RIPK1: variants seen among roughly 807,000 people sequenced by gnomAD.
The protein encoded by RIPK1 is receptor-interacting serine/threonine-protein kinase 1.
In RIPK1, 27 loss-of-function variants were observed where a neutral mutation model predicts 62.4. That is an observed-to-expected ratio of 0.43 (90% CI 0.32 to 0.60). The LOEUF (loss-of-function observed/expected upper bound fraction) is 0.60, where lower values mean the gene tolerates loss of function less well. Ranked by LOEUF, RIPK1 falls within the 20% of genes least tolerant of loss-of-function variation. The pLI is 0.07. For synonymous variants in RIPK1, 287 were observed against 303.2 expected (o/e 0.95, Z 0.55); for missense variants, 735 against 831.0 (o/e 0.88, Z 1.42).
chr6:3,087,911 A>G (rs1337013997), intron 6 of RIPK1, among the ~76,000 whole-genome samples: 1 of 151,704 alleles, frequency 6.6e-6, no homozygotes, highest in African/African-American at 2.4e-5. Context: ...TTTTTTGCTG[A>G]GACTTTCTAT....
At chr6:3,094,148 C>T (rs934697162) in intron 7 of RIPK1, among the ~76,000 whole-genome samples, 4 of 145,334 alleles carry the variant, frequency 2.8e-5, no homozygotes, top group Admixed American at 2.7e-4. Context: ...AGAGTACCTA[C>T]CTGCCGCACC....
Position 3,113,014 on chromosome 6 carries a change from G to C in RIPK1, c.1730-39G>C, listed in dbSNP as rs1761241906. The C allele has an allele frequency of 6.7e-7, 1 of 1,502,720 alleles. No homozygotes were observed. Among genetic ancestry groups the C allele is most frequent in the Non-Finnish European group, 8.9e-7 (1 of 1,123,160 alleles). 93.1% of individuals were successfully genotyped at this position (1,502,720 alleles called of 1,614,324 possible). On this transcript the variant is annotated intron_variant, in intron 10 of 10. Coordinates refer to ENST00000259808, the MANE Select transcript of RIPK1 (RefSeq NM_001354930.2). This position sits in a 1 kb window ranked among gnomAD's most constrained non-coding sequence, Gnocchi z 5.0. Reference sequence around the variant, plus strand: ...TCAGGAAGCTGGAATGTTTGAATGGGTTTTAGCTTGATACCTTCTTCTTTT... The same window carrying C: ...TCAGGAAGCTGGAATGTTTGAATGGCTTTTAGCTTGATACCTTCTTCTTTT...
In RIPK1 at chr6:3,077,845, G is replaced by T. The variant is rs1759162832; in HGVS notation, c.231G>T (p.Lys77Asn). 1.2e-6 allele frequency: 2 copies of T among 1,614,240 alleles called. No homozygotes were observed. The highest frequency in any genetic ancestry group is 1.7e-5 in the Admixed American group (1 of 60,032). The change falls in exon 3 of 11, where the codon AAG (lysine) becomes AAT (asparagine). Residue 77 changes from lysine to asparagine, a missense_variant. By Grantham distance (94) the Lys-to-Asn change is moderately conservative. Around this residue, in one of 2 missense-constraint regions of RIPK1, gnomAD observed 671 missense variants for 726.2 expected, o/e 0.92. Coordinates refer to ENST00000259808, the MANE Select transcript of RIPK1 (RefSeq NM_001354930.2). Reference protein sequence around the residue: ...MNRLRHSRVVKLLGVIIEEGK... With the variant: ...MNRLRHSRVVNLLGVIIEEGK... ...GACTGAGACACAGCCGGGTGGTGAA[G>T]CTCCTGGGCGTCATCATAGAGGAAG...
At chr6:3,111,326 A>G (rs1232325008) in intron 10 of RIPK1, among the ~76,000 whole-genome samples, 1 of 152,178 alleles carries the variant, frequency 6.6e-6, no homozygotes, top group Non-Finnish European at 1.5e-5. Context: ...ATCGAAGGAG[A>G]TCCTGTAAAA....
intron 9 of RIPK1, among the ~76,000 whole-genome samples, chr6:3,109,556 G>A (rs962214823): frequency 1.3e-5 from 2 of 152,150 alleles, no homozygotes; most frequent in African/African-American, 2.4e-5. Context: ...GTGGGATCCC[G>A]CTGGGAAGTG....
Position 3,105,163 on chromosome 6 carries a change from T to C in RIPK1, c.1007-319T>C, listed in dbSNP as rs1760777210. 6.6e-6 allele frequency among the ~76,000 whole-genome samples: 1 copy of C among 152,212 alleles called. No homozygotes were observed. The highest frequency in any genetic ancestry group is 1.5e-5 in the Non-Finnish European group (1 of 68,036). ...CACCGCACCCAGCCACAGATCTTAT[T>C]TTCCACCTGAATTGCTCCAAGGAGA... On this transcript the variant is annotated intron_variant, in intron 8 of 10. Coordinates refer to ENST00000259808, the MANE Select transcript of RIPK1 (RefSeq NM_001354930.2). This position sits in a 1 kb window ranked among gnomAD's most constrained non-coding sequence, Gnocchi z 4.5.
chr6:3,093,918 C>T (rs1406321482), intron 7 of RIPK1, among the ~76,000 whole-genome samples: 1 of 46,272 alleles, frequency 2.2e-5, no homozygotes, highest in Non-Finnish European at 3.9e-5. Context: ...ACCTAGTAAC[C>T]GCAGCGCGCC....
chr6:3,099,327 G>A (rs888489615), intron 7 of RIPK1, among the ~76,000 whole-genome samples: 3 of 152,160 alleles, frequency 2.0e-5, no homozygotes, highest in Admixed American at 6.5e-5. Flanking sequence ...GGTGGATCAC[G>A]AGATCAGGAG....
chr6:3,073,194 CAT>C (rs1361287349), intron 1 of RIPK1, among the ~76,000 whole-genome samples: 2 of 150,358 alleles, frequency 1.3e-5, no homozygotes, highest in Non-Finnish European at 3.0e-5. Flanking sequence ...ACAATATATG[CAT>C]ACACACATAC....
At chr6:3,076,500 GCCC>G (rs956526455) in intron 1 of RIPK1, among the ~76,000 whole-genome samples, 5 of 151,100 alleles carry the variant, frequency 3.3e-5, no homozygotes, top group Non-Finnish European at 5.9e-5. Context: ...AGATCCCCCG[GCCC>G]CCCCATCTCT....
At chr6:3,088,826 G>A (rs1471868146) in intron 6 of RIPK1, 2 of 152,318 alleles carry the variant, frequency 1.3e-5, no homozygotes, top group Non-Finnish European at 2.9e-5. Flanking sequence ...AAGGTTTTCT[G>A]TCTGTCCCTT....
rs1297069981 is a variant in RIPK1, at chr6:3,072,264, A to C, written c.-61+3603A>C. On this transcript the variant is annotated intron_variant, in intron 1 of 10. Coordinates refer to ENST00000259808, the MANE Select transcript of RIPK1 (RefSeq NM_001354930.2). The surrounding 1 kb of genome is among the most constrained non-coding windows in gnomAD (Gnocchi z 5.6). ...ATTTAATTCATGTCTATTGTGGAAA[A>C]TTTGGAAAACATAGTAAAAGTGTAA... Among the ~76,000 whole-genome samples, 1 of 152,216 alleles carries C rather than the reference A, an allele frequency of 6.6e-6. No homozygotes were observed. The highest frequency in any genetic ancestry group is 1.9e-4 in the East Asian group (1 of 5,204).
intron 1 of RIPK1, among the ~76,000 whole-genome samples, chr6:3,073,860 C>T (rs976050762): frequency 4.6e-5 from 7 of 152,180 alleles, no homozygotes; most frequent in African/African-American, 1.7e-4. Context: ...ATGAAAAACA[C>T]CAAGTCTGAA....
chr6:3,110,693 A>T, intron 9 of RIPK1, 110 bp from the exon 10 acceptor site: 1 of 633,774 alleles, frequency 1.6e-6, no homozygotes, highest in Non-Finnish European at 2.6e-6. Context: ...AGGGTGGCAT[A>T]GGATAATTAA....
chr6:3,072,375 A>G lies in RIPK1; in HGVS notation c.-61+3714A>G, dbSNP rs1173867701. On this transcript the variant is annotated intron_variant, in intron 1 of 10. Coordinates refer to ENST00000259808, the MANE Select transcript of RIPK1 (RefSeq NM_001354930.2). The surrounding 1 kb of genome is among the most constrained non-coding windows in gnomAD (Gnocchi z 5.6). Reference sequence around the variant, plus strand: ...TTATGTCTTTTTTATCTGTACTTATATCTTTATCTATTTACATATATATAT... The same window carrying G: ...TTATGTCTTTTTTATCTGTACTTATGTCTTTATCTATTTACATATATATAT... Among the ~76,000 whole-genome samples, 3 of 125,298 alleles carry G rather than the reference A, an allele frequency of 2.4e-5. No homozygotes were observed. Among genetic ancestry groups the G allele is most frequent in the African/African-American group, 9.6e-5 (3 of 31,328 alleles). The allele number at this position is 125,298 out of a possible 152,430, so 82.2% of individuals were successfully genotyped here.
intron 7 of RIPK1, among the ~76,000 whole-genome samples, chr6:3,090,045 G>A (rs1759947128): frequency 6.6e-6 from 1 of 152,210 alleles, no homozygotes; most frequent in Non-Finnish European, 1.5e-5. Context: ...AGAAGTACCG[G>A]AGGGGCAGTC....
At position 3,076,376 on chromosome 6, in the gene RIPK1, T is replaced by A. The variant is rs139722852; in HGVS notation, c.-60-388T>A. On this transcript the variant is annotated intron_variant, in intron 1 of 10. Coordinates refer to ENST00000259808, the MANE Select transcript of RIPK1 (RefSeq NM_001354930.2). ...GAATGTTAACAAAAGTTTTTAAAAATGATCTTTTCTGCCAGGTACAATGGC... is the reference window on the plus strand; with the variant it reads ...GAATGTTAACAAAAGTTTTTAAAAAAGATCTTTTCTGCCAGGTACAATGGC... 4.6e-5 allele frequency among the ~76,000 whole-genome samples: 7 copies of A among 152,222 alleles called. No individual in the cohort carries two copies. In the East Asian group the frequency reaches 1.3e-3, roughly 29 times the overall value.
chr6:3,077,041 G>A, intron 2 of RIPK1, 54 bp downstream of exon 2: 1 of 1,512,048 alleles, frequency 6.6e-7, no homozygotes, highest in Non-Finnish European at 8.9e-7. Context: ...TGGGGACGTT[G>A]GCTGTTGTGG....
In RIPK1 at chr6:3,072,800, C is replaced by T. The variant is rs974983023; in HGVS notation, c.-60-3964C>T. ...AAGAATATGGCCTAAGAGGGTGGGGCGGATGACCCTTATGGAATGGGGAAG... is the reference window on the plus strand; with the variant it reads ...AAGAATATGGCCTAAGAGGGTGGGGTGGATGACCCTTATGGAATGGGGAAG... On this transcript the variant is annotated intron_variant, in intron 1 of 10. Coordinates refer to ENST00000259808, the MANE Select transcript of RIPK1 (RefSeq NM_001354930.2). This position sits in a 1 kb window ranked among gnomAD's most constrained non-coding sequence, Gnocchi z 5.6. 1.2e-4 allele frequency among the ~76,000 whole-genome samples: 18 copies of T among 152,220 alleles called. No homozygotes were observed. Among genetic ancestry groups the T allele is most frequent in the Admixed American group, 4.6e-4 (7 of 15,274 alleles).
Sources: gnomAD v4.1 joint callset for allele counts (sites outside exome capture counted in the v4.1 genomes callset) on GRCh38, gnomAD v4.1.1 for gene constraint, gnomAD v4.1.1 regional missense constraint, Gnocchi (gnomAD v3.1) non-coding constraint, MANE v1.5 for transcripts, NCBI Gene and HGNC (gene_info 2026-07-23, HGNC 2026-07-21) for gene names.